The following DCHS2 variants were observed in gnomAD, a reference collection of about 807,000 sequenced individuals.
DCHS2 encodes the protein protocadherin-23.
A neutral mutation model predicts 182.4 loss-of-function variants in DCHS2; 142 were observed. The observed-to-expected ratio is 0.78, with a 90% CI of 0.68 to 0.89. The LOEUF is 0.89. Among genes scored for constraint, DCHS2 ranks in the 40% least tolerant of loss-of-function variants. DCHS2 has a pLI of 0.00. For missense variants in DCHS2, 4,319 were observed against 4,198.6 expected (o/e 1.03, Z -0.79); for synonymous variants, 1,740 against 1,663.3 (o/e 1.05, Z -1.12).
In DCHS2 at chr4:154,489,488, C is replaced by T. The variant is rs565018645; in HGVS notation, c.1868G>A (p.Arg623Gln). The change falls in exon 1 of 20, where the codon CGA becomes CAA. Residue 623 changes from arginine to glutamine, a missense_variant. Coordinates refer to ENST00000357232, the MANE Select transcript of DCHS2 (RefSeq NM_001358235.2). The part of the protein sequence containing the change: ...GAISTIRTLD[R>Q]EVQEAVELKV... The stretch of plus-strand genomic sequence containing the variant: ...CAGCTCCACCGCCTCCTGGACCTCT[C>T]GGTCTAGAGTCCGGATAGTGCTGAT... 5 of 1,551,704 alleles carry T rather than the reference C, an allele frequency of 3.2e-6. No homozygotes were observed. The highest frequency in any genetic ancestry group is 2.0e-5 in the Admixed American group (1 of 51,004).
intron 13 of DCHS2, among the ~76,000 whole-genome samples, chr4:154,274,033 C>T (rs573548296): frequency 1.3e-5 from 2 of 152,178 alleles, no homozygotes; most frequent in Admixed American, 1.3e-4. Flanking sequence ...CAGAGCAGGG[C>T]TCATCATCCC....
At chr4:154,442,545 ACAC>A (rs1734083071) in intron 1 of DCHS2, among the ~76,000 whole-genome samples, 1 of 46,974 alleles carries the variant, frequency 2.1e-5, no homozygotes, top group Non-Finnish European at 3.8e-5. Context: ...CCCCCCCCAC[ACAC>A]ACACACACAC....
chr4:154,233,977 G>T lies in DCHS2; in HGVS notation c.*559C>A, dbSNP rs1731316013. The T allele has an allele frequency of 6.6e-6, 1 of 152,034 alleles. No individual in the cohort carries two copies. Among genetic ancestry groups the T allele is most frequent in the Non-Finnish European group, 1.5e-5 (1 of 68,006 alleles). The allele number at this position is 152,034 out of a possible 1,614,324, so 9.4% of individuals were successfully genotyped here. A position where few individuals can be genotyped will look rare whatever the true frequency, so the allele number is the denominator to read the frequency against. On this transcript the variant is annotated 3_prime_UTR_variant, in exon 20 of 20. Transcript: ENST00000357232. ...AGACTCCACATTGAAATTCAATTAT[G>T]GCTAAACTCTACAGGTGTGGTATAT...
chr4:154,311,072 T>C (rs1215147491), intron 10 of DCHS2, among the ~76,000 whole-genome samples: 2 of 152,144 alleles, frequency 1.3e-5, no homozygotes, highest in South Asian at 2.1e-4. Context: ...CAGAATTCTA[T>C]CCTAGAGTAA....
At chr4:154,336,192 G>A (rs1031452688) in intron 3 of DCHS2, among the ~76,000 whole-genome samples, 1 of 152,180 alleles carries the variant, frequency 6.6e-6, no homozygotes, top group Non-Finnish European at 1.5e-5. Flanking sequence ...CAAGAGTGAC[G>A]ACTTAGGCTT....
Position 154,333,173 on chromosome 4 carries a change from C to A in DCHS2, c.3035G>T (p.Gly1012Val). The A allele has an allele frequency of 6.2e-7, 1 of 1,614,198 alleles. No homozygotes were observed. ...GCTGGCGATGGAGTACCGGATGAGTCCGTTCCGCCCACTGTCTCTGTCTTC... is the reference window on the plus strand; with the variant it reads ...GCTGGCGATGGAGTACCGGATGAGTACGTTCCGCCCACTGTCTCTGTCTTC... ...RAEDRDSGRN[G>V]LIRYSIASPQ... is the part of the protein sequence containing the mutation. The change falls in exon 5 of 20, where the codon GGA becomes GTA. Residue 1012 changes from glycine to valine, a missense_variant. Gly to Val is a moderately radical substitution (Grantham distance 109, BLOSUM62 -3). Transcript: ENST00000357232.
At chr4:154,307,907 C>G (rs1001647488) in intron 10 of DCHS2, among the ~76,000 whole-genome samples, 2 of 152,162 alleles carry the variant, frequency 1.3e-5, no homozygotes, top group Non-Finnish European at 2.9e-5. Context: ...CCCTCACCCT[C>G]TGCACCTGTA....
chr4:154,393,924 C>T (rs944310982), intron 1 of DCHS2, among the ~76,000 whole-genome samples: 1 of 152,154 alleles, frequency 6.6e-6, no homozygotes, highest in East Asian at 1.9e-4. Flanking sequence ...TTATGATGCA[C>T]ATATGGGATA....
At chr4:154,335,654 G>C (rs969058179) in intron 3 of DCHS2, among the ~76,000 whole-genome samples, 1 of 152,070 alleles carries the variant, frequency 6.6e-6, no homozygotes, top group African/African-American at 2.4e-5. Context: ...CCAATTCCTT[G>C]TGATCAGTCT....
Position 154,332,913 on chromosome 4 carries a change from G to T in DCHS2, c.3295C>A (p.Pro1099Thr). The change falls in exon 5 of 20, where the codon CCG becomes ACG. Residue 1099 changes from proline to threonine, a missense_variant. Transcript: ENST00000357232. ...TGTGTTTGCAGCATTTGTGTCATCG[G>T]TGAGAGAGACTCACTGACTTCCACT... ...YQVEVSESLSPMTQMLQTQAH... is the reference protein window; with the variant it reads ...YQVEVSESLSTMTQMLQTQAH... 6.2e-7 allele frequency: 1 copy of T among 1,614,244 alleles called. No homozygotes were observed. Among genetic ancestry groups the T allele is most frequent in the South Asian group, 1.1e-5 (1 of 91,088 alleles).
chr4:154,439,163 A>T (rs11099955), intron 1 of DCHS2, among the ~76,000 whole-genome samples: 69,869 of 152,052 alleles, frequency 0.46, 16,560 homozygotes, highest in Middle Eastern at 0.68. Context: ...TTAAGTCACC[A>T]GAGGCTTTTC....
At chr4:154,475,709 G>A (rs755279159) in intron 1 of DCHS2, among the ~76,000 whole-genome samples, 4 of 152,164 alleles carry the variant, frequency 2.6e-5, no homozygotes, top group Admixed American at 6.5e-5. Context: ...TTAAGAGGCA[G>A]TCCTAACAAC....
At chr4:154,400,532 A>G (rs1560735931) in intron 1 of DCHS2, among the ~76,000 whole-genome samples, 1 of 152,282 alleles carries the variant, frequency 6.6e-6, no homozygotes, top group East Asian at 1.9e-4. Context: ...TGCAAATCAG[A>G]GTCCTCATAC....
At chr4:154,333,953 C>T (rs985653118) in intron 4 of DCHS2, 4 of 158,832 alleles carry the variant, frequency 2.5e-5, no homozygotes, top group South Asian at 1.9e-4. Flanking sequence ...CTTACTTTCT[C>T]CACTCTCCAA....
chr4:154,477,677 CAGTG>C (rs1735743501), intron 1 of DCHS2, among the ~76,000 whole-genome samples: 2 of 152,180 alleles, frequency 1.3e-5, no homozygotes, highest in South Asian at 4.1e-4. Flanking sequence ...ACGTTGTACT[CAGTG>C]AGAGATAATT....
chr4:154,283,463 A>AC (rs1734251395), intron 13 of DCHS2, among the ~76,000 whole-genome samples: 1 of 151,968 alleles, frequency 6.6e-6, no homozygotes, highest in South Asian at 2.1e-4. Context: ...AAGCAAAAAA[A>AC]AAAAAAAGAT....
At chr4:154,385,151 C>A (rs1456514273) in intron 1 of DCHS2, among the ~76,000 whole-genome samples, 2 of 146,846 alleles carry the variant, frequency 1.4e-5, no homozygotes, top group East Asian at 4.2e-4. Context: ...TCAATTCCCA[C>A]CTATGAGTGA....
At chr4:154,378,850 C>T (rs928894415) in intron 1 of DCHS2, among the ~76,000 whole-genome samples, 1 of 152,068 alleles carries the variant, frequency 6.6e-6, no homozygotes, top group East Asian at 1.9e-4. Flanking sequence ...AATCAGACCC[C>T]AAATCTCCTG....
rs558792504 is a variant in DCHS2, at chr4:154,339,610, T to C, written c.2477-4506A>G. On this transcript the variant is annotated intron_variant, in intron 3 of 19. Coordinates refer to ENST00000357232, the MANE Select transcript of DCHS2 (RefSeq NM_001358235.2). ...GACTACAGGCGCCTACCATCACGCC[T>C]AGCTAATTTTTGTATTTTTAGTAGA... Among the ~76,000 whole-genome samples, 77 of 152,172 alleles carry C rather than the reference T, an allele frequency of 5.1e-4. No individual in the cohort carries two copies. The South Asian group carries it at 0.013, about 25-fold the overall frequency.
Sources: gnomAD v4.1 joint callset for allele counts (sites outside exome capture counted in the v4.1 genomes callset) on GRCh38, gnomAD v4.1.1 for gene constraint, MANE v1.5 for transcripts, NCBI Gene and HGNC (gene_info 2026-07-23, HGNC 2026-07-21) for gene names.